CAMK2D: variants seen among roughly 807,000 people sequenced by gnomAD.
The protein encoded by CAMK2D is calcium/calmodulin dependent protein kinase II delta, also known as calcium/calmodulin-dependent protein kinase type II subunit delta.
CAMK2D carries 37 observed loss-of-function variants against 84.0 expected under a neutral mutation model. That is an observed-to-expected ratio of 0.44 (90% CI 0.34 to 0.58). The LOEUF (loss-of-function observed/expected upper bound fraction) is 0.58, where lower values mean the gene tolerates loss of function less well. CAMK2D is among the 20% of genes least tolerant of loss of function. The pLI is 0.02. For missense variants in CAMK2D, 448 were observed against 652.5 expected, an observed-to-expected ratio of 0.69 and a Z score of 3.41; for synonymous variants, 202 against 212.5, an observed-to-expected ratio of 0.95 and a Z score of 0.43.
At chr4:113,713,907 G>T (rs1349692444) in intron 2 of CAMK2D, among the ~76,000 whole-genome samples, 1 of 150,594 alleles carries the variant, frequency 6.6e-6, no homozygotes, top group Non-Finnish European at 1.5e-5. Flanking sequence ...GCATTTATTT[G>T]GTTTTTTTTG....
At chr4:113,704,972 G>A (rs941538165) in intron 2 of CAMK2D, among the ~76,000 whole-genome samples, 6 of 151,830 alleles carry the variant, frequency 4.0e-5, no homozygotes, top group East Asian at 3.9e-4. Flanking sequence ...TTTCTTTGGC[G>A]CTCAGTTGCT....
In CAMK2D at chr4:113,500,595, T is replaced by A. The variant is rs543619305; in HGVS notation, c.1087-84A>T. ...TAAAAATTGGCTAGTGACATACATA[T>A]CATGCAAAATTCTTCAGCAGGCTAT... is the stretch of plus-strand genomic sequence containing the variant. On this transcript the variant is annotated intron_variant, in intron 15 of 20. Transcript: ENST00000511664. 4.4e-5 allele frequency: 36 copies of A among 809,618 alleles called. No individual in the cohort carries two copies. The African/African-American group carries it at 5.2e-4, about 12-fold the overall frequency. The allele number at this position is 809,618 out of a possible 1,614,324, so 50.2% of individuals were successfully genotyped here.
intron 2 of CAMK2D, among the ~76,000 whole-genome samples, chr4:113,736,236 TC>T (rs2099581042): frequency 6.6e-6 from 1 of 152,076 alleles, no homozygotes; most frequent in East Asian, 1.9e-4. Flanking sequence ...TCCAACTTAC[TC>T]CAATCCAATT....
At chr4:113,476,082 T>C (rs1340784582) in intron 16 of CAMK2D, among the ~76,000 whole-genome samples, 1 of 152,192 alleles carries the variant, frequency 6.6e-6, no homozygotes, top group Non-Finnish European at 1.5e-5. Context: ...TGGAAAATTA[T>C]GAAAAAATGA....
intron 4 of CAMK2D, among the ~76,000 whole-genome samples, chr4:113,575,910 C>T (rs1323415375): frequency 1.3e-5 from 2 of 151,936 alleles, no homozygotes; most frequent in African/African-American, 4.8e-5. Flanking sequence ...TACTGACTTC[C>T]TAGTAAGTAG....
intron 2 of CAMK2D, among the ~76,000 whole-genome samples, chr4:113,747,472 T>C (rs17046468): frequency 0.07 from 10,571 of 152,078 alleles, 1,012 homozygotes; most frequent in African/African-American, 0.21. Context: ...AACACTACTC[T>C]TGACAATAGG....
chr4:113,675,033 G>A (rs961000241), intron 2 of CAMK2D, among the ~76,000 whole-genome samples: 5 of 152,274 alleles, frequency 3.3e-5, no homozygotes, highest in Non-Finnish European at 4.4e-5. Context: ...ACATCCATGC[G>A]TGCATATTCC....
intron 2 of CAMK2D, among the ~76,000 whole-genome samples, chr4:113,752,249 C>T (rs1255107243): frequency 6.6e-6 from 1 of 151,144 alleles, no homozygotes; most frequent in Non-Finnish European, 1.5e-5. Context: ...TTATATATAT[C>T]AAATTTTATG....
chr4:113,528,091 G>A (rs2098434384), intron 8 of CAMK2D, among the ~76,000 whole-genome samples: 1 of 152,004 alleles, frequency 6.6e-6, no homozygotes, highest in Admixed American at 6.6e-5. Flanking sequence ...AGAGAATTTG[G>A]TATTCAGGTC....
chr4:113,620,544 T>C (rs889614905), intron 3 of CAMK2D, among the ~76,000 whole-genome samples: 10 of 151,566 alleles, frequency 6.6e-5, no homozygotes, highest in African/African-American at 2.4e-5. Flanking sequence ...AGTCTCACTC[T>C]GTCACCAGGC....
intron 3 of CAMK2D, among the ~76,000 whole-genome samples, chr4:113,658,632 C>T (rs1371702403): frequency 6.6e-6 from 1 of 152,146 alleles, no homozygotes; most frequent in African/African-American, 2.4e-5. Context: ...GCCTGTCTCC[C>T]CCAAAACTGC....
intron 2 of CAMK2D, among the ~76,000 whole-genome samples, chr4:113,740,182 G>A (rs781065877): frequency 1.3e-5 from 2 of 151,890 alleles, no homozygotes; most frequent in Non-Finnish European, 2.9e-5. Context: ...AAAAACTTAC[G>A]TCTACACAAA....
intron 3 of CAMK2D, among the ~76,000 whole-genome samples, chr4:113,647,199 T>C (rs2099155491): frequency 6.6e-6 from 1 of 152,228 alleles, no homozygotes; most frequent in East Asian, 1.9e-4. Flanking sequence ...GGTTGCCTAA[T>C]AAAATCTGTT....
rs1252752151 is a variant in CAMK2D, at chr4:113,760,987, C to T, written c.65+17G>A. The T allele has an allele frequency of 1.9e-6, 3 of 1,613,986 alleles. No homozygotes were observed. Among genetic ancestry groups the T allele is most frequent in the Non-Finnish European group, 2.5e-6 (3 of 1,180,006 alleles). On this transcript the variant is annotated intron_variant, in intron 1 of 20. Transcript: ENST00000511664. Reference sequence around the variant, plus strand: ...AGCTGGAAAGGGGATATGCGGATGCCGGGCAAAGGTGCTTACTTTCCAAGC... The same window carrying T: ...AGCTGGAAAGGGGATATGCGGATGCTGGGCAAAGGTGCTTACTTTCCAAGC...
rs33966870 is a variant in CAMK2D, at chr4:113,464,351, AT to A, written c.1211+1177del. On this transcript the variant is annotated intron_variant, in intron 17 of 20. Coordinates refer to ENST00000511664, the MANE Select transcript of CAMK2D (RefSeq NM_001321571.2). ...ATATTCACGCAATATAAAAAATTAA[AT>A]TTTGATATATGTTTTGCAAATGTTT... Among the ~76,000 whole-genome samples the A allele has an allele frequency of 7.7e-3, 1,179 of 152,314 alleles. 20 individuals carry two copies. Among genetic ancestry groups the A allele is most frequent in the African/African-American group, 0.027 (1,104 of 41,566 alleles).
At chr4:113,496,030 A>C (rs2097923378) in intron 16 of CAMK2D, among the ~76,000 whole-genome samples, 3 of 152,166 alleles carry the variant, frequency 2.0e-5, no homozygotes, top group African/African-American at 7.2e-5. Context: ...TGGATGGGTT[A>C]TGAGGCGGAG....
intron 2 of CAMK2D, among the ~76,000 whole-genome samples, chr4:113,692,577 T>C (rs1278151342): frequency 1.3e-5 from 2 of 152,074 alleles, no homozygotes; most frequent in South Asian, 2.1e-4. Flanking sequence ...CATACATACA[T>C]ATATTCACAC....
At chr4:113,659,669 A>G (rs1227024282) in intron 3 of CAMK2D, among the ~76,000 whole-genome samples, 3 of 152,198 alleles carry the variant, frequency 2.0e-5, no homozygotes, top group African/African-American at 7.2e-5. Flanking sequence ...TGGCTTCCAG[A>G]GCTATGAGAA....
At chr4:113,726,370 T>C (rs1302467463) in intron 2 of CAMK2D, among the ~76,000 whole-genome samples, 2 of 143,992 alleles carry the variant, frequency 1.4e-5, no homozygotes, top group Non-Finnish European at 3.0e-5. Flanking sequence ...TTGTTTTGCT[T>C]GGGCTTTTTT....
Sources: gnomAD v4.1 joint callset for allele counts (sites outside exome capture counted in the v4.1 genomes callset) on GRCh38, gnomAD v4.1.1 for gene constraint, MANE v1.5 for transcripts, NCBI Gene and HGNC (gene_info 2026-07-23, HGNC 2026-07-21) for gene names.